PROS1: variants seen among roughly 807,000 people sequenced by gnomAD.
PROS1 encodes protein S.
In PROS1, 29 loss-of-function variants were observed where a neutral mutation model predicts 75.9. The observed-to-expected ratio is 0.38, with a 90% CI of 0.28 to 0.52. PROS1 has a LOEUF of 0.52. Ranked by LOEUF, PROS1 falls within the 20% of genes least tolerant of loss-of-function variation. The probability of loss-of-function intolerance (pLI) is 0.83; values close to 1 mark genes in which losing one functional copy is unlikely to be tolerated. For synonymous variants in PROS1, 245 were observed against 280.6 expected (o/e 0.87, Z 1.27); for missense variants, 680 against 810.3 (o/e 0.84, Z 1.95).
At position 93,874,266 on chromosome 3, in the gene PROS1, C is replaced by G; in HGVS notation, c.2010G>C (p.Trp670Cys). 1.9e-6 allele frequency: 3 copies of G among 1,613,338 alleles called. No individual in the cohort carries two copies. Among genetic ancestry groups the G allele is most frequent in the Non-Finnish European group, 2.5e-6 (3 of 1,179,466 alleles). Residue 670 changes from tryptophan (W) to cysteine (C), a missense_variant, in exon 15 of 15, where the codon TGG becomes TGC. Physicochemically the swap from Trp to Cys is radical, Grantham distance 215. Coordinates refer to ENST00000394236, the MANE Select transcript of PROS1 (RefSeq NM_000313.4). ...DIRAHSCPSV[W>C]KKTKNS is the part of the protein sequence containing the mutation. ...TGCCTTAAGAATTCTTTGTCTTTTT[C>G]CAAACTGATGGACATGAGTGAGCTC...
chr3:93,913,887 T>C (rs1002003576), intron 3 of PROS1, among the ~76,000 whole-genome samples: 1 of 152,234 alleles, frequency 6.6e-6, no homozygotes, highest in African/African-American at 2.4e-5. Context: ...ATAAGCATGA[T>C]AGACGTTTCC....
intron 6 of PROS1, among the ~76,000 whole-genome samples, chr3:93,905,493 T>C (rs1708658806): frequency 6.6e-6 from 1 of 152,092 alleles, no homozygotes; most frequent in Non-Finnish European, 1.5e-5. Flanking sequence ...TAGTCCCAGC[T>C]ACTTGGGAGG....
At chr3:93,940,964 G>A (rs1709276537) in intron 1 of PROS1, among the ~76,000 whole-genome samples, 1 of 151,996 alleles carries the variant, frequency 6.6e-6, no homozygotes, top group East Asian at 1.9e-4. Context: ...ACACTCTTTT[G>A]CCCTCAATAC....
chr3:93,962,325 T>C (rs1709719238), intron 1 of PROS1, among the ~76,000 whole-genome samples: 2 of 152,108 alleles, frequency 1.3e-5, no homozygotes, highest in South Asian at 4.1e-4. Flanking sequence ...TACTAGCAAA[T>C]AGAGGCTGTA....
At chr3:93,944,074 A>G (rs1709339448) in intron 1 of PROS1, among the ~76,000 whole-genome samples, 1 of 152,192 alleles carries the variant, frequency 6.6e-6, no homozygotes, top group Admixed American at 6.5e-5. Context: ...GTGTGACAGT[A>G]AAATAATCAG....
At chr3:93,874,905 A>G (rs1188258586) in intron 14 of PROS1, among the ~76,000 whole-genome samples, 2 of 152,116 alleles carry the variant, frequency 1.3e-5, no homozygotes, top group African/African-American at 2.4e-5. Flanking sequence ...TGAGCATACA[A>G]TAGGTCATGA....
intron 1 of PROS1, among the ~76,000 whole-genome samples, chr3:93,969,417 T>G (rs1709841244): frequency 1.3e-5 from 2 of 152,184 alleles, no homozygotes; most frequent in South Asian, 4.1e-4. Context: ...ATGTAGACTT[T>G]TCTTATTTCT....
intron 12 of PROS1, among the ~76,000 whole-genome samples, chr3:93,882,945 T>C (rs1708293817): frequency 1.3e-5 from 2 of 152,112 alleles, no homozygotes; most frequent in South Asian, 2.1e-4. Context: ...TGAAGACTCA[T>C]TGCAACTACA....
In PROS1 at chr3:93,965,327, G is replaced by A. The variant is rs550172461; in HGVS notation, c.76+8347C>T. On this transcript the variant is annotated intron_variant, in intron 1 of 14. Transcript: ENST00000394236. ...ACCCGCTGCTGACTCCCATCCCTCC[G>A]GATCCGGAAGGGTGTCCGCTGTGCT... Among the ~76,000 whole-genome samples the A allele has an allele frequency of 1.1e-4, 17 of 152,262 alleles. No individual in the cohort carries two copies. In the East Asian group the frequency reaches 2.9e-3, roughly 26 times the overall value.
At chr3:93,970,947 A>G (rs531790062) in intron 1 of PROS1, among the ~76,000 whole-genome samples, 114 of 152,230 alleles carry the variant, frequency 7.5e-4, no homozygotes, top group African/African-American at 2.7e-3. Context: ...GTAGTGCCCT[A>G]TAATAGTGCC....
At chr3:93,965,335 A>C (rs535587844) in intron 1 of PROS1, among the ~76,000 whole-genome samples, 1 of 152,244 alleles carries the variant, frequency 6.6e-6, no homozygotes, top group African/African-American at 2.4e-5. Context: ...CCGGATCCGG[A>C]AGGGTGTCCG....
chr3:93,885,544 A>G (rs1336523725), intron 11 of PROS1, among the ~76,000 whole-genome samples: 2 of 152,084 alleles, frequency 1.3e-5, no homozygotes, highest in African/African-American at 4.8e-5. Flanking sequence ...CTTTAGTGGC[A>G]TTTATAATAT....
At chr3:93,913,084 G>A (rs369810868) in intron 3 of PROS1, among the ~76,000 whole-genome samples, 1 of 152,288 alleles carries the variant, frequency 6.6e-6, no homozygotes. Context: ...ACCAGGTGGA[G>A]GTAATTGAAT....
At chr3:93,931,311 C>CT (rs535022680) in intron 1 of PROS1, among the ~76,000 whole-genome samples, 7 of 152,120 alleles carry the variant, frequency 4.6e-5, no homozygotes, top group Non-Finnish European at 1.0e-4. Context: ...CCTGATTTAA[C>CT]TTTTTTCATT....
chr3:93,933,690 G>A (rs546406984), intron 1 of PROS1, among the ~76,000 whole-genome samples: 2 of 152,316 alleles, frequency 1.3e-5, no homozygotes, highest in South Asian at 2.1e-4. Context: ...CTGGGAGGCC[G>A]AGGTGAGCTG....
rs1708515368 is a variant in PROS1 at position 93,897,242 on chromosome 3, C to T, written c.850-551G>A. Reference sequence around the variant, plus strand: ...AATATAAATTCAGATCTCATAGTCTCCAAGGAATTTACAAGAACATTATTT... The same window carrying T: ...AATATAAATTCAGATCTCATAGTCTTCAAGGAATTTACAAGAACATTATTT... On this transcript the variant is annotated intron_variant, in intron 8 of 14. Transcript: ENST00000394236. 1.3e-5 allele frequency among the ~76,000 whole-genome samples: 2 copies of T among 151,916 alleles called. 1 individual carries two copies. The highest frequency in any genetic ancestry group is 4.1e-4 in the South Asian group (2 of 4,820).
At chr3:93,926,312 C>T (rs546694240) in intron 2 of PROS1, among the ~76,000 whole-genome samples, 1 of 152,212 alleles carries the variant, frequency 6.6e-6, no homozygotes, top group Admixed American at 6.5e-5. Context: ...ATGATACCTA[C>T]AATTGTGACT....
At chr3:93,912,093 G>A (rs1396090149) in intron 3 of PROS1, among the ~76,000 whole-genome samples, 1 of 152,094 alleles carries the variant, frequency 6.6e-6, no homozygotes. Flanking sequence ...GTTTTACAGT[G>A]CCGAGAGTCC....
chr3:93,898,338 C>G, intron 8 of PROS1, 110 bp downstream of exon 8: 1 of 1,269,278 alleles, frequency 7.9e-7, no homozygotes, highest in South Asian at 1.2e-5. Context: ...AAAGCTACAG[C>G]AATTATTGCA....
Sources: gnomAD v4.1 joint callset for allele counts (sites outside exome capture counted in the v4.1 genomes callset) on GRCh38, gnomAD v4.1.1 for gene constraint, MANE v1.5 for transcripts, NCBI Gene and HGNC (gene_info 2026-07-23, HGNC 2026-07-21) for gene names.